Variants in CR1 observed in about 807,000 individuals in gnomAD.
CR1 encodes the protein complement C3b/C4b receptor 1 (Knops blood group).
In CR1, 116 loss-of-function variants were observed where a neutral mutation model predicts 187.3. The observed-to-expected ratio is 0.62, with a 90% CI of 0.53 to 0.72. The LOEUF (loss-of-function observed/expected upper bound fraction) is 0.72, where lower values mean the gene tolerates loss of function less well. CR1 is among the 30% of genes least tolerant of loss of function. CR1 has a pLI of 0.00. For synonymous variants in CR1, 576 were observed against 747.1 expected (o/e 0.77, Z 3.73); for missense variants, 1,731 against 2,110.7 (o/e 0.82, Z 3.52).
In CR1 at chr1:207,513,153, C is replaced by T. The variant is rs772622933; in HGVS notation, c.487+1499C>T. The stretch of plus-strand genomic sequence containing the variant: ...TCAAGTAACACTTTAGTCGGCTATC[C>T]GTCTACTTTGGTTTTAGAGACTCCA... On this transcript the variant is annotated intron_variant, in intron 4 of 46. Transcript: ENST00000367049. 5.3e-5 allele frequency among the ~76,000 whole-genome samples: 8 copies of T among 152,308 alleles called. No individual in the cohort carries two copies. In the South Asian group the frequency reaches 6.2e-4, roughly 12 times the overall value.
intron 46 of CR1, among the ~76,000 whole-genome samples, chr1:207,633,043 T>A (rs1008220558): frequency 6.6e-6 from 1 of 152,172 alleles, no homozygotes; most frequent in Admixed American, 6.5e-5. Context: ...GAGTTCATTT[T>A]AAAAATATTC....
chr1:207,508,553 A>G (rs558989571), intron 3 of CR1, among the ~76,000 whole-genome samples: 1 of 152,246 alleles, frequency 6.6e-6, no homozygotes, highest in Non-Finnish European at 1.5e-5. Context: ...CAGGTAAAAC[A>G]GGAAATTTGA....
Position 207,587,458 on chromosome 1 carries a change from T to C in CR1, c.5603T>C (p.Val1868Ala). The C allele has an allele frequency of 6.2e-7, 1 of 1,613,990 alleles. No homozygotes were observed. The change falls in exon 34 of 47, where the codon GTC becomes GCC. Residue 1868 changes from valine (V) to alanine (A), a missense_variant. Coordinates refer to ENST00000367049, the MANE Select transcript of CR1 (RefSeq NM_000651.6). ...TIPINDFEFPVGTSLNYECRP... is the reference protein window; with the variant it reads ...TIPINDFEFPAGTSLNYECRP... ...CCAATTAATGACTTTGAGTTTCCAG[T>C]CGGGACATCTTTGAATTATGAATGC...
chr1:207,605,989 A>G (rs957300881), intron 35 of CR1: 10 of 152,228 alleles, frequency 6.6e-5, no homozygotes, highest in African/African-American at 2.4e-4. Context: ...TCCAGCTGTA[A>G]AAGACAGAAG....
At chr1:207,506,125 T>G (rs374660239) in intron 2 of CR1, 42 bp downstream of exon 2, 9 of 1,588,820 alleles carry the variant, frequency 5.7e-6, no homozygotes, top group East Asian at 4.5e-5. Flanking sequence ...TAGTCAAACA[T>G]CTGTAAGATC....
At chr1:207,567,551 T>C (rs1261076399) in intron 24 of CR1, among the ~76,000 whole-genome samples, 1 of 150,476 alleles carries the variant, frequency 6.6e-6, no homozygotes, top group Non-Finnish European at 1.5e-5. Context: ...TGGTTATTTT[T>C]CTTCTTCAAA....
chr1:207,521,719 A>G (rs1359408296), intron 4 of CR1, among the ~76,000 whole-genome samples: 1 of 141,314 alleles, frequency 7.1e-6, no homozygotes, highest in Non-Finnish European at 1.5e-5. Flanking sequence ...TGCAGCCTCA[A>G]CCTTCACAGG....
At chr1:207,579,126 A>G (rs1260032764) in intron 29 of CR1, among the ~76,000 whole-genome samples, 1 of 152,252 alleles carries the variant, frequency 6.6e-6, no homozygotes, top group Non-Finnish European at 1.5e-5. Context: ...AACGAACAGG[A>G]CTATAAATAA....
At position 207,612,105 on chromosome 1, in the gene CR1, G is replaced by A. The variant is rs558623895; in HGVS notation, c.6575+64G>A. The A allele has an allele frequency of 2.0e-5, 30 of 1,522,292 alleles. No homozygotes were observed. In the Admixed American group the frequency reaches 4.8e-4, roughly 24 times the overall value. 94.3% of individuals were successfully genotyped at this position (1,522,292 alleles called of 1,614,324 possible). On this transcript the variant is annotated intron_variant, in intron 39 of 46. Transcript: ENST00000367049. ...GGAGAATCACTCTCTTGAGATCAGG[G>A]GTTAATCCAATTAAGGAGCTGACCT...
In CR1 at chr1:207,638,158, T is replaced by C. The variant is rs180797538; in HGVS notation, c.7458-1239T>C. 1.5e-4 allele frequency among the ~76,000 whole-genome samples: 23 copies of C among 152,374 alleles called. No individual in the cohort carries two copies. In the East Asian group the frequency reaches 4.4e-3, roughly 29 times the overall value. On this transcript the variant is annotated intron_variant, in intron 46 of 46. Coordinates refer to ENST00000367049, the MANE Select transcript of CR1 (RefSeq NM_000651.6). ...TGAGTTTTGAGTGTTCTATTAGTTCTTTCAACTATGGCCTGTCTGTGGGAA... is the reference window on the plus strand; with the variant it reads ...TGAGTTTTGAGTGTTCTATTAGTTCCTTCAACTATGGCCTGTCTGTGGGAA...
At chr1:207,584,476 C>G (rs887567113) in intron 32 of CR1, among the ~76,000 whole-genome samples, 173 bp from the exon 33 acceptor site, 3 of 152,160 alleles carry the variant, frequency 2.0e-5, no homozygotes, top group African/African-American at 7.2e-5. Context: ...GTTGTCATTT[C>G]ATTTAGCTCC....
At chr1:207,610,951 CTT>C (rs931544327) in intron 37 of CR1, among the ~76,000 whole-genome samples, 2 of 152,082 alleles carry the variant, frequency 1.3e-5, no homozygotes, top group African/African-American at 4.8e-5. Flanking sequence ...CAATTACACT[CTT>C]TCATTTTTAA....
intron 4 of CR1, among the ~76,000 whole-genome samples, chr1:207,515,036 T>C (rs1659746786): frequency 6.8e-6 from 1 of 146,492 alleles, no homozygotes; most frequent in African/African-American, 2.5e-5. Context: ...CATATATACA[T>C]ATATACTTAT....
At chr1:207,606,401 G>A (rs1661751025) in intron 35 of CR1, 1 of 152,218 alleles carries the variant, frequency 6.6e-6, no homozygotes, top group African/African-American at 2.4e-5. Flanking sequence ...GGAGAGGAAA[G>A]TGGATACTAG....
At chr1:207,517,597 T>C (rs900914290) in intron 4 of CR1, among the ~76,000 whole-genome samples, 3 of 152,166 alleles carry the variant, frequency 2.0e-5, no homozygotes, top group African/African-American at 7.2e-5. Context: ...TTTTTCCTTA[T>C]ATGTTTGGAA....
At position 207,587,481 on chromosome 1, in the gene CR1, T is replaced by C; in HGVS notation, c.5626T>C (p.Cys1876Arg). The C allele has an allele frequency of 6.2e-7, 1 of 1,613,996 alleles. No homozygotes were observed. The highest frequency in any genetic ancestry group is 8.5e-7 in the Non-Finnish European group (1 of 1,179,838). Reference protein sequence around the residue: ...FPVGTSLNYECRPGYFGKMFS... With the variant: ...FPVGTSLNYERRPGYFGKMFS... ...AGTCGGGACATCTTTGAATTATGAA[T>C]GCCGTCCTGGGTATTTTGGGAAAAT... is the stretch of plus-strand genomic sequence containing the variant. Residue 1876 changes from cysteine (C) to arginine (R), a missense_variant, in exon 34 of 47, where the codon TGC (cysteine) becomes CGC (arginine). This residue lies in a region of CR1 where 1,312 missense variants were observed against 1,379.6 expected (regional missense o/e 0.95). Transcript: ENST00000367049.
chr1:207,510,829 T>A (rs1277927883), intron 3 of CR1, among the ~76,000 whole-genome samples: 2 of 129,820 alleles, frequency 1.5e-5, no homozygotes, highest in African/African-American at 2.8e-5. Flanking sequence ...TTTACTTTCT[T>A]TTTTTTTTTT....
intron 1 of CR1, among the ~76,000 whole-genome samples, chr1:207,496,725 C>T (rs1041938005): frequency 6.6e-6 from 1 of 152,190 alleles, no homozygotes; most frequent in Non-Finnish European, 1.5e-5. Flanking sequence ...CAAGACGTGG[C>T]GTTGATCCTA....
chr1:207,580,228 T>A lies in CR1; in HGVS notation c.4937-12T>A. ...ATAACTAACAAGTACTCTGGAACTG[T>A]CCTTTCCACAGTGTGTCAGCCGCCT... is the stretch of plus-strand genomic sequence containing the variant. On this transcript the variant is annotated splice_polypyrimidine_tract_variant and intron_variant, in intron 29 of 46. Transcript: ENST00000367049. The A allele has an allele frequency of 6.2e-7, 1 of 1,613,206 alleles. No individual in the cohort carries two copies. The highest frequency in any genetic ancestry group is 8.5e-7 in the Non-Finnish European group (1 of 1,179,368).
Sources: gnomAD v4.1 joint callset for allele counts (sites outside exome capture counted in the v4.1 genomes callset) on GRCh38, gnomAD v4.1.1 for gene constraint, gnomAD v4.1.1 regional missense constraint, MANE v1.5 for transcripts, NCBI Gene and HGNC (gene_info 2026-07-23, HGNC 2026-07-21) for gene names.